Variants in PRX observed in about 807,000 individuals in gnomAD.
The protein encoded by PRX is periaxin.
Under a neutral mutation model 29.6 loss-of-function variants are expected in PRX, and 24 were observed. That is an observed-to-expected ratio of 0.81 (90% CI 0.59 to 1.14). PRX has a LOEUF of 1.14. PRX is among the 50% of genes most tolerant of loss of function. The probability of loss-of-function intolerance (pLI) is 0.00; values close to 1 mark genes in which losing one functional copy is unlikely to be tolerated. For missense variants in PRX, 1,838 were observed against 1,926.4 expected (o/e 0.95, Z 0.86); for synonymous variants, 772 against 831.7 (o/e 0.93, Z 1.24).
chr19:40,398,444 C>A lies in PRX; in HGVS notation c.381+176G>T. ...GGGCCCTGGGCTGGGGTGGGTCTGTCCCCCTTCCCGGGGAAGAGTTTGGGG... is the reference window on the plus strand; with the variant it reads ...GGGCCCTGGGCTGGGGTGGGTCTGTACCCCTTCCCGGGGAAGAGTTTGGGG... On this transcript the variant is annotated intron_variant, in intron 6 of 6. Transcript: ENST00000324001. This position sits in a 1 kb window ranked among gnomAD's most constrained non-coding sequence, Gnocchi z 6.3. The A allele has an allele frequency of 1.3e-6, 2 of 1,515,206 alleles. No individual in the cohort carries two copies. Among genetic ancestry groups the A allele is most frequent in the Non-Finnish European group, 1.8e-6 (2 of 1,136,830 alleles). 93.9% of individuals were successfully genotyped at this position (1,515,206 alleles called of 1,614,324 possible).
intron 5 of PRX, among the ~76,000 whole-genome samples, chr19:40,399,018 C>T (rs1378010807): frequency 1.3e-5 from 2 of 152,066 alleles, no homozygotes; most frequent in South Asian, 2.1e-4. Flanking sequence ...AACAAAGCCG[C>T]GCCCACTCAG....
In PRX at chr19:40,398,271, G is replaced by C; in HGVS notation, c.382-301C>G. The C allele has an allele frequency of 4.9e-6, 7 of 1,415,368 alleles. No individual in the cohort carries two copies. The highest frequency in any genetic ancestry group is 6.4e-6 in the Non-Finnish European group (7 of 1,089,000). 87.7% of individuals were successfully genotyped at this position (1,415,368 alleles called of 1,614,324 possible). A position where few individuals can be genotyped will look rare whatever the true frequency, so the allele number is the denominator to read the frequency against. On this transcript the variant is annotated intron_variant, in intron 6 of 6. Transcript: ENST00000324001. This position sits in a 1 kb window ranked among gnomAD's most constrained non-coding sequence, Gnocchi z 6.3. ...TAGAGATGGGGAAACTGAGGCCCAGGGAGAGAAACAACTTTGTCCAGGGCC... is the reference window on the plus strand; with the variant it reads ...TAGAGATGGGGAAACTGAGGCCCAGCGAGAGAAACAACTTTGTCCAGGGCC...
Position 40,395,531 on chromosome 19 carries a change from GCCC to G in PRX, c.2818_2820del (p.Gly940del). 1 of 1,614,176 alleles carries G rather than the reference GCCC, an allele frequency of 6.2e-7. No homozygotes were observed. The highest frequency in any genetic ancestry group is 8.5e-7 in the Non-Finnish European group (1 of 1,180,028). ...TCAGCCTCTGCCTTAGCCACCTTTG[GCCC>G]CGAGAGTCCAAACTTAGGTAAGGAG... is the stretch of plus-strand genomic sequence containing the variant. On this transcript the variant is annotated inframe_deletion, in exon 7 of 7. Coordinates refer to ENST00000324001, the MANE Select transcript of PRX (RefSeq NM_181882.3).
chr19:40,398,493 G>T lies in PRX; in HGVS notation c.381+127C>A. ...GGCAGAGAGGAAGGGGCAGAGGGTGGAATTAGCTTGGGTTAGTGACAAGAC... is the reference window on the plus strand; with the variant it reads ...GGCAGAGAGGAAGGGGCAGAGGGTGTAATTAGCTTGGGTTAGTGACAAGAC... On this transcript the variant is annotated intron_variant, in intron 6 of 6. Coordinates refer to ENST00000324001, the MANE Select transcript of PRX (RefSeq NM_181882.3). This position sits in a 1 kb window ranked among gnomAD's most constrained non-coding sequence, Gnocchi z 6.3. The T allele has an allele frequency of 6.4e-7, 1 of 1,554,090 alleles. No homozygotes were observed. Among genetic ancestry groups the T allele is most frequent in the Non-Finnish European group, 8.7e-7 (1 of 1,152,900 alleles).
In PRX at chr19:40,395,709, C is replaced by A; in HGVS notation, c.2643G>T (p.Arg881=). Reference sequence around the variant, plus strand: ...CTGCTGCCACCTCAGGGCCCTCCACCCGCTCTCCCTTGCCCATTTTAGCGG... The same window carrying A: ...CTGCTGCCACCTCAGGGCCCTCCACACGCTCTCCCTTGCCCATTTTAGCGG... ...VPAAKMGKGE[R]VEGPEVAAGV... is the part of the protein sequence containing the mutation. Residue 881 remains arginine, a synonymous_variant, in exon 7 of 7, where the codon CGG becomes CGT. Coordinates refer to ENST00000324001, the MANE Select transcript of PRX (RefSeq NM_181882.3). The A allele has an allele frequency of 6.2e-7, 1 of 1,614,062 alleles. No individual in the cohort carries two copies. Among genetic ancestry groups the A allele is most frequent in the Non-Finnish European group, 8.5e-7 (1 of 1,179,980 alleles).
At chr19:40,401,623 C>T (rs905438379) in intron 5 of PRX, among the ~76,000 whole-genome samples, 8 of 152,150 alleles carry the variant, frequency 5.3e-5, no homozygotes, top group African/African-American at 1.7e-4. Context: ...AACTCAATTG[C>T]GTAGACACTG....
At chr19:40,403,363 T>C (rs2079509283) in intron 5 of PRX, among the ~76,000 whole-genome samples, 2 of 152,198 alleles carry the variant, frequency 1.3e-5, no homozygotes, top group South Asian at 4.1e-4. Context: ...TTAAGCACTA[T>C]GTGCCACTTA....
At position 40,394,372 on chromosome 19, in the gene PRX, T is replaced by C. The variant is rs1429590906; in HGVS notation, c.3980A>G (p.Lys1327Arg). The change falls in exon 7 of 7, where the codon AAG (lysine) becomes AGG (arginine). Residue 1327 changes from lysine to arginine, a missense_variant. Physicochemically the swap from Lys to Arg is conservative, Grantham distance 26. Transcript: ENST00000324001. The surrounding 1 kb of genome is among the most constrained non-coding windows in gnomAD (Gnocchi z 5.8). ...KEGAEEGEKAKSPKLRLPRVG... is the reference protein window; with the variant it reads ...KEGAEEGEKARSPKLRLPRVG... ...TCGGGGCAGCCTGAGTTTGGGGCTC[T>C]TGGCCTTCTCACCCTCCTCGGCCCC... is the stretch of plus-strand genomic sequence containing the variant. 4 of 1,603,120 alleles carry C rather than the reference T, an allele frequency of 2.5e-6. No homozygotes were observed. The South Asian group carries it at 3.3e-5, about 13-fold the overall frequency.
chr19:40,398,559 A>G lies in PRX; in HGVS notation c.381+61T>C, dbSNP rs767676309. 2 of 1,602,810 alleles carry G rather than the reference A, an allele frequency of 1.2e-6. No homozygotes were observed. Among genetic ancestry groups the G allele is most frequent in the Admixed American group, 1.7e-5 (1 of 59,730 alleles). On this transcript the variant is annotated intron_variant, in intron 6 of 6. Transcript: ENST00000324001. This position sits in a 1 kb window ranked among gnomAD's most constrained non-coding sequence, Gnocchi z 6.3. ...CCCACGATGGCGGGGAATGGGGCTCACGGCGCAGAGACCGGATCGCTGGGG... is the reference window on the plus strand; with the variant it reads ...CCCACGATGGCGGGGAATGGGGCTCGCGGCGCAGAGACCGGATCGCTGGGG...
rs747451387 is a variant in PRX, at chr19:40,395,396, G to T, written c.2956C>A (p.Leu986Met). Residue 986 changes from leucine to methionine, a missense_variant, in exon 7 of 7, where the codon CTG becomes ATG. Coordinates refer to ENST00000324001, the MANE Select transcript of PRX (RefSeq NM_181882.3). ...EAKGAGEAGLLPALDLSIPQL... is the reference protein window; with the variant it reads ...EAKGAGEAGLMPALDLSIPQL... Reference sequence around the variant, plus strand: ...GGGATGGACAGATCGAGGGCAGGCAGCAGGCCTGCCTCCCCAGCCCCTTTG... The same window carrying T: ...GGGATGGACAGATCGAGGGCAGGCATCAGGCCTGCCTCCCCAGCCCCTTTG... 5 of 1,613,874 alleles carry T rather than the reference G, an allele frequency of 3.1e-6. No individual in the cohort carries two copies. Among genetic ancestry groups the T allele is most frequent in the Non-Finnish European group, 4.2e-6 (5 of 1,180,020 alleles).
At chr19:40,412,897 T>C (rs970377069) in intron 1 of PRX, among the ~76,000 whole-genome samples, 4 of 152,154 alleles carry the variant, frequency 2.6e-5, no homozygotes, top group African/African-American at 7.2e-5. Context: ...AAAAAATTTT[T>C]TTTTGTTTTG....
At chr19:40,409,374 G>A (rs535332379) in intron 1 of PRX, among the ~76,000 whole-genome samples, 17 of 151,982 alleles carry the variant, frequency 1.1e-4, no homozygotes, top group Middle Eastern at 3.4e-3. Context: ...CTTTTACCTC[G>A]CAGGGCTGTT....
chr19:40,395,495 G>A lies in PRX; in HGVS notation c.2857C>T (p.Arg953Ter), dbSNP rs104894714. ...VAKAEAEGAG[R>*]ATKLKVSKFA... ...TTGGATACCTTCAGCTTGGTAGCTCGCCCAGCCCCCTCAGCCTCTGCCTTA... is the reference window on the plus strand; with the variant it reads ...TTGGATACCTTCAGCTTGGTAGCTCACCCAGCCCCCTCAGCCTCTGCCTTA... The change falls in exon 7 of 7, where the codon CGA becomes TGA. Residue 953 changes from arginine (R) to a stop codon, truncating the protein, a stop_gained. Coordinates refer to ENST00000324001, the MANE Select transcript of PRX (RefSeq NM_181882.3). LOFTEE classifies it low-confidence loss of function (END_TRUNC). 6.2e-6 allele frequency: 10 copies of A among 1,613,812 alleles called. No homozygotes were observed. Among genetic ancestry groups the A allele is most frequent in the Admixed American group, 3.3e-5 (2 of 59,974 alleles).
intron 1 of PRX, among the ~76,000 whole-genome samples, chr19:40,412,940 TG>T (rs1182974306): frequency 6.6e-6 from 1 of 152,154 alleles, no homozygotes; most frequent in Non-Finnish European, 1.5e-5. Context: ...TGGCCCAGGC[TG>T]GTCTCGAACT....
At chr19:40,407,619 G>A in intron 4 of PRX, 2 of 570,068 alleles carry the variant, frequency 3.5e-6, no homozygotes, top group Middle Eastern at 4.7e-4. Flanking sequence ...CTCTTCTGAT[G>A]AAGGGTTTCT....
chr19:40,394,722 G>C lies in PRX; in HGVS notation c.3630C>G (p.Val1210=), dbSNP rs1305658668. The change falls in exon 7 of 7, where the codon GTC becomes GTG. Residue 1210 remains valine, a synonymous_variant. Coordinates refer to ENST00000324001, the MANE Select transcript of PRX (RefSeq NM_181882.3). This position sits in a 1 kb window ranked among gnomAD's most constrained non-coding sequence, Gnocchi z 5.8. The part of the protein sequence containing the change: ...AGGELLVGEG[V]FKMPTVTVPQ... ...GCACTGTCACGGTGGGCATCTTAAA[G>C]ACACCCTCACCCACCAGCAGCTCAC... 3.1e-6 allele frequency: 5 copies of C among 1,612,502 alleles called. No individual in the cohort carries two copies. The highest frequency in any genetic ancestry group is 8.5e-7 in the Non-Finnish European group (1 of 1,180,002).
rs538628494 is a variant in PRX, at chr19:40,410,872, A to AAAAAAT, written c.-243+2460_-243+2465dup. 1.5e-3 allele frequency among the ~76,000 whole-genome samples: 228 copies of AAAAAAT among 152,332 alleles called. 1 individual carries two copies. Among genetic ancestry groups the AAAAAAT allele is most frequent in the African/African-American group, 5.2e-3 (218 of 41,572 alleles). The stretch of plus-strand genomic sequence containing the variant: ...TGCGATAGAGCGAGACTCCATCTCA[A>AAAAAAT]AAAAATAAAAATAAAAATAAAAAAA... On this transcript the variant is annotated intron_variant, in intron 1 of 6. Transcript: ENST00000324001.
rs1283752580 is a variant in PRX, at chr19:40,403,696, G to C, written c.184+10C>G. 2 of 1,543,952 alleles carry C rather than the reference G, an allele frequency of 1.3e-6. No homozygotes were observed. Among genetic ancestry groups the C allele is most frequent in the Non-Finnish European group, 1.7e-6 (2 of 1,144,242 alleles). On this transcript the variant is annotated intron_variant, in intron 5 of 6. Transcript: ENST00000324001. ...AGTTCGACCCCGCCCCACACCCCGG[G>C]CCCGCCCACCTTCCTGCAGGCTGAG...
Position 40,396,653 on chromosome 19 carries a change from C to A in PRX, c.1699G>T (p.Val567Leu), listed in dbSNP as rs757797949. The A allele has an allele frequency of 6.2e-7, 1 of 1,614,100 alleles. No homozygotes were observed. Among genetic ancestry groups the A allele is most frequent in the Non-Finnish European group, 8.5e-7 (1 of 1,180,014 alleles). ...PEVSEVAVPE[V>L]RLPEVQLPKV... is the part of the protein sequence containing the mutation. ...GGCAGCTGCACCTCTGGAAGCCGCA[C>A]CTCTGGCACAGCCACCTCTGACACC... Residue 567 changes from valine (V) to leucine (L), a missense_variant, in exon 7 of 7, where the codon GTG (valine) becomes TTG (leucine). By Grantham distance (32) the Val-to-Leu change is conservative. Transcript: ENST00000324001.
Sources: allele counts gnomAD v4.1 joint callset (sites outside exome capture counted in the v4.1 genomes callset), GRCh38; gene constraint gnomAD v4.1.1; non-coding constraint Gnocchi (gnomAD v3.1); transcripts MANE v1.5; gene names NCBI Gene and HGNC (gene_info 2026-07-23, HGNC 2026-07-21).